Variants in IYD observed in about 807,000 individuals in gnomAD.
IYD encodes iodotyrosine deiodinase.
Under a neutral mutation model 28.4 loss-of-function variants are expected in IYD, and 25 were observed. That is an observed-to-expected ratio of 0.88 (90% confidence interval 0.64 to 1.23). The LOEUF (loss-of-function observed/expected upper bound fraction) is 1.23. IYD is among the 50% of genes most tolerant of loss of function. The probability of loss-of-function intolerance (pLI) is 0.00; values close to 1 mark genes in which losing one functional copy is unlikely to be tolerated. For synonymous variants in IYD, 140 were observed against 130.8 expected, an observed-to-expected ratio of 1.07 and a Z score of -0.48; for missense variants, 352 against 357.9, an observed-to-expected ratio of 0.98 and a Z score of 0.13.
chr6:150,396,642 A>G (rs541719853), intron 4 of IYD: 69 of 444,514 alleles, frequency 1.6e-4, no homozygotes, highest in African/African-American at 1.4e-3. Context: ...TGGGAGGCCA[A>G]GGCGGGCGGA....
At chr6:150,375,427 C>T (rs112659895) in intron 1 of IYD, among the ~76,000 whole-genome samples, 7 of 152,210 alleles carry the variant, frequency 4.6e-5, no homozygotes, top group East Asian at 1.9e-4. Context: ...CACTGGAATT[C>T]GGATCTGAAA....
Position 150,394,164 on chromosome 6 carries a change from A to G in IYD, c.596A>G (p.His199Arg), listed in dbSNP as rs771889486. The G allele has an allele frequency of 1.7e-5, 27 of 1,614,042 alleles. No individual in the cohort carries two copies. The African/African-American group carries it at 2.1e-4, about 13-fold the overall frequency. The change falls in exon 4 of 5, where the codon CAT becomes CGT. Residue 199 changes from histidine (H) to arginine (R), a missense_variant. His to Arg is a conservative substitution (Grantham distance 29). Coordinates refer to ENST00000344419, the MANE Select transcript of IYD (RefSeq NM_203395.3). Reference protein sequence around the residue: ...PILILIFKQVHGFAANGKKKV... With the variant: ...PILILIFKQVRGFAANGKKKV... ...TTGATTCTCATTTTCAAACAAGTAC[A>G]TGGTTTCGCCGCAAATGGCAAGAAA... is the stretch of plus-strand genomic sequence containing the variant.
At chr6:150,393,891 C>T (rs1778212514) in intron 3 of IYD, among the ~76,000 whole-genome samples, 1 of 152,186 alleles carries the variant, frequency 6.6e-6, no homozygotes, top group African/African-American at 2.4e-5. Flanking sequence ...TCTTGCCATA[C>T]TAGGCACTTA....
chr6:150,385,492 T>TA lies in IYD; in HGVS notation c.179-3849dup, dbSNP rs35069786. 2.3e-3 allele frequency among the ~76,000 whole-genome samples: 342 copies of TA among 150,720 alleles called. 5 individuals are homozygous for TA. The East Asian group carries it at 0.047, about 21-fold the overall frequency. On this transcript the variant is annotated intron_variant, in intron 1 of 4. Coordinates refer to ENST00000344419, the MANE Select transcript of IYD (RefSeq NM_203395.3). The stretch of plus-strand genomic sequence containing the variant: ...TACGTTCTTCAGCTTTTTAATGTGA[T>TA]AAAAAAAAAAAGATTGTTTTTCTAA...
intron 4 of IYD, among the ~76,000 whole-genome samples, chr6:150,395,169 T>C (rs950871571): frequency 3.3e-5 from 5 of 152,160 alleles, no homozygotes; most frequent in African/African-American, 1.2e-4. Context: ...TGGGGATAGT[T>C]GTCTGATGAA....
At chr6:150,379,998 T>G (rs1214560212) in intron 1 of IYD, among the ~76,000 whole-genome samples, 1 of 152,186 alleles carries the variant, frequency 6.6e-6, no homozygotes, top group African/African-American at 2.4e-5. Flanking sequence ...AATCTGTCTT[T>G]TGTGAATTCA....
chr6:150,388,639 C>CT (rs200270036), intron 1 of IYD, among the ~76,000 whole-genome samples: 5 of 48,706 alleles, frequency 1.0e-4, no homozygotes, highest in Non-Finnish European at 3.4e-4. Context: ...TGCTTTCTTT[C>CT]TTTCTTTCTT....
chr6:150,385,673 C>T (rs1777836838), intron 1 of IYD, among the ~76,000 whole-genome samples: 2 of 151,528 alleles, frequency 1.3e-5, no homozygotes, highest in South Asian at 4.2e-4. Context: ...CTCTTAATGC[C>T]CTACTTATGT....
At chr6:150,376,885 G>A (rs1777463017) in intron 1 of IYD, among the ~76,000 whole-genome samples, 1 of 152,122 alleles carries the variant, frequency 6.6e-6, no homozygotes, top group African/African-American at 2.4e-5. Flanking sequence ...GCCTCCCAAA[G>A]TGCTGAGATT....
intron 1 of IYD, among the ~76,000 whole-genome samples, chr6:150,378,242 A>T (rs1054449587): frequency 4.7e-5 from 7 of 150,356 alleles, no homozygotes; most frequent in African/African-American, 1.7e-4. Context: ...GGTTAGTTAC[A>T]TATGTATACA....
chr6:150,385,651 T>C (rs953173455), intron 1 of IYD, among the ~76,000 whole-genome samples: 6 of 151,984 alleles, frequency 3.9e-5, no homozygotes, highest in African/African-American at 1.4e-4. Flanking sequence ...GTTGAGCCTG[T>C]AGTTTTTTGT....
intron 1 of IYD, 91 bp from the exon 2 acceptor site, chr6:150,389,261 C>A: frequency 1.1e-6 from 1 of 896,238 alleles, no homozygotes; most frequent in Non-Finnish European, 1.8e-6. Context: ...CATAACCTTA[C>A]ACATTTAAGC....
At chr6:150,373,046 C>G (rs1777327252) in intron 1 of IYD, among the ~76,000 whole-genome samples, 1 of 152,150 alleles carries the variant, frequency 6.6e-6, no homozygotes, top group Non-Finnish European at 1.5e-5. Flanking sequence ...GGAAACACAT[C>G]TCATCAAGAT....
At chr6:150,379,036 A>C (rs1458025905) in intron 1 of IYD, among the ~76,000 whole-genome samples, 1 of 152,168 alleles carries the variant, frequency 6.6e-6, no homozygotes, top group African/African-American at 2.4e-5. Context: ...TGACACCTGC[A>C]CTTGAATGGC....
At chr6:150,385,805 A>G (rs1188240436) in intron 1 of IYD, among the ~76,000 whole-genome samples, 4 of 152,106 alleles carry the variant, frequency 2.6e-5, no homozygotes, top group South Asian at 2.1e-4. Context: ...AATTCAGCTT[A>G]TTTAATAGTC....
chr6:150,393,961 C>T (rs912632576), intron 3 of IYD, 138 bp from the exon 4 acceptor site: 1 of 932,298 alleles, frequency 1.1e-6, no homozygotes, highest in Non-Finnish European at 1.6e-6. Flanking sequence ...GAGACAAAAA[C>T]AAAAATTCTG....
chr6:150,370,326 G>GTGTGCATGAGTGT (rs1562307522), intron 1 of IYD: 1 of 178,754 alleles, frequency 5.6e-6, no homozygotes, highest in African/African-American at 2.5e-5. Context: ...TGCACGAGTG[G>GTGTGCATGAGTGT]GTGAGTGTGC....
chr6:150,378,573 A>T (rs750117128), intron 1 of IYD, among the ~76,000 whole-genome samples: 1 of 152,196 alleles, frequency 6.6e-6, no homozygotes, highest in Non-Finnish European at 1.5e-5. Flanking sequence ...GAGAAATGCA[A>T]ATCAAAACCA....
rs771678940 is a variant in IYD at position 150,398,189 on chromosome 6, G to A, written c.822G>A (p.Val274=). The A allele has an allele frequency of 2.3e-5, 37 of 1,614,074 alleles. No individual in the cohort carries two copies. In the East Asian group the frequency reaches 7.1e-4, roughly 31 times the overall value. ...PVGYPSKEAT[V]PDLKRKPLDQ... is the part of the protein sequence containing the mutation. ...GGTACCCCAGCAAGGAGGCCACGGT[G>A]CCTGACCTCAAGCGCAAACCTCTGG... is the stretch of plus-strand genomic sequence containing the variant. The change falls in exon 5 of 5, where the codon GTG becomes GTA. Residue 274 remains valine (V), a synonymous_variant. Coordinates refer to ENST00000344419, the MANE Select transcript of IYD (RefSeq NM_203395.3).
Sources: gnomAD v4.1 joint callset for allele counts (sites outside exome capture counted in the v4.1 genomes callset) on GRCh38, gnomAD v4.1.1 for gene constraint, MANE v1.5 for transcripts, NCBI Gene and HGNC (gene_info 2026-07-23, HGNC 2026-07-21) for gene names.